Variants in MTSS1 observed in about 807,000 individuals in gnomAD.
MTSS1 encodes the protein MTSS I-BAR domain containing 1, also known as protein MTSS 1.
Under a neutral mutation model 79.0 loss-of-function variants are expected in MTSS1, and 18 were observed. That is an observed-to-expected ratio of 0.23 (90% confidence interval 0.16 to 0.34). The LOEUF is 0.34. MTSS1 is among the 10% of genes least tolerant of loss of function. The probability of loss-of-function intolerance (pLI) is 1.00; values close to 1 mark genes in which losing one functional copy is unlikely to be tolerated. For synonymous variants in MTSS1, 341 were observed against 368.6 expected (o/e 0.93, Z 0.86); for missense variants, 815 against 986.2 (o/e 0.83, Z 2.33).
intron 3 of MTSS1, among the ~76,000 whole-genome samples, chr8:124,671,110 T>C (rs963332120): frequency 2.6e-5 from 4 of 151,852 alleles, no homozygotes; most frequent in Non-Finnish European, 5.9e-5. Context: ...GGTAGATTGC[T>C]CCAACCACTG....
At chr8:124,700,891 G>A (rs553573101) in intron 2 of MTSS1, among the ~76,000 whole-genome samples, 47 of 152,264 alleles carry the variant, frequency 3.1e-4, no homozygotes, top group African/African-American at 1.1e-3. Context: ...CAAAGTTGCT[G>A]AAGAAGAATA....
At chr8:124,587,623 C>T (rs1157680811) in intron 5 of MTSS1, among the ~76,000 whole-genome samples, 3 of 152,300 alleles carry the variant, frequency 2.0e-5, no homozygotes, top group East Asian at 3.9e-4. Flanking sequence ...CTCAGCCTCC[C>T]GAGTAGCTGG....
chr8:124,716,594 C>T (rs868313033), intron 1 of MTSS1, among the ~76,000 whole-genome samples: 5 of 152,284 alleles, frequency 3.3e-5, no homozygotes, highest in Middle Eastern at 3.4e-3. Context: ...TTCTAAGCCC[C>T]ACCCCCAGAT....
At chr8:124,601,410 C>A (rs1833792028) in intron 3 of MTSS1, among the ~76,000 whole-genome samples, 1 of 152,170 alleles carries the variant, frequency 6.6e-6, no homozygotes, top group South Asian at 2.1e-4. Flanking sequence ...AGTTGCATCA[C>A]CAGCTTCCTT....
At chr8:124,662,603 G>A (rs989086723) in intron 3 of MTSS1, among the ~76,000 whole-genome samples, 3 of 151,478 alleles carry the variant, frequency 2.0e-5, no homozygotes, top group South Asian at 2.1e-4. Context: ...CTAGACATAC[G>A]TACTGTCAAA....
chr8:124,611,120 G>A (rs1835745995), intron 3 of MTSS1, among the ~76,000 whole-genome samples: 1 of 103,972 alleles, frequency 9.6e-6, no homozygotes, highest in South Asian at 3.1e-4. Context: ...CCCCCCCCCA[G>A]CATGTGACTC....
At chr8:124,725,789 A>C (rs1031554070) in intron 1 of MTSS1, among the ~76,000 whole-genome samples, 2 of 152,216 alleles carry the variant, frequency 1.3e-5, no homozygotes, top group Non-Finnish European at 2.9e-5. Context: ...CTAATCCATG[A>C]TGAAGTCTTT....
chr8:124,699,542 C>A lies in MTSS1; in HGVS notation c.192G>T (p.Met64Ile), dbSNP rs149940047. The A allele has an allele frequency of 8.1e-6, 13 of 1,614,156 alleles. No homozygotes were observed. Among genetic ancestry groups the A allele is most frequent in the Non-Finnish European group, 1.1e-5 (13 of 1,180,002 alleles). The change falls in exon 3 of 14, where the codon ATG becomes ATT. Residue 64 changes from methionine to isoleucine, a missense_variant. By Grantham distance (10) the Met-to-Ile change is conservative. Transcript: ENST00000518547. ...TCTGCTTACCACGTGTGTTGGTGGC[C>A]ATGTCAGCCACTTTCTGAAAGGCGT... ...FLDAFQKVADMATNTRGGTRE... is the reference protein window; with the variant it reads ...FLDAFQKVADIATNTRGGTRE...
intron 6 of MTSS1, among the ~76,000 whole-genome samples, chr8:124,581,623 T>C (rs1174553017): frequency 1.3e-5 from 2 of 151,598 alleles, no homozygotes; most frequent in Non-Finnish European, 2.9e-5. Flanking sequence ...GCCCGGCTAA[T>C]TTTTGTATTT....
At chr8:124,687,518 C>T (rs1827180397) in intron 3 of MTSS1, among the ~76,000 whole-genome samples, 2 of 152,188 alleles carry the variant, frequency 1.3e-5, no homozygotes, top group African/African-American at 2.4e-5. Flanking sequence ...CCCAGGCTCT[C>T]GGATCTGGTT....
intron 1 of MTSS1, among the ~76,000 whole-genome samples, chr8:124,717,675 G>T (rs967502811): frequency 1.3e-5 from 2 of 152,170 alleles, no homozygotes; most frequent in Non-Finnish European, 2.9e-5. Context: ...CGGTCTGGGG[G>T]ACAGAGCAAG....
chr8:124,668,652 G>C (rs1823571274), intron 3 of MTSS1, among the ~76,000 whole-genome samples: 1 of 152,110 alleles, frequency 6.6e-6, no homozygotes, highest in Non-Finnish European at 1.5e-5. Flanking sequence ...CTCTGAACGG[G>C]ACCAGAAAAG....
At chr8:124,723,120 G>A (rs1009636015) in intron 1 of MTSS1, among the ~76,000 whole-genome samples, 2 of 152,132 alleles carry the variant, frequency 1.3e-5, no homozygotes, top group Non-Finnish European at 2.9e-5. Flanking sequence ...AGAGTTCAAA[G>A]GGCAAGAGGT....
chr8:124,700,094 G>A (rs955466135), intron 2 of MTSS1, among the ~76,000 whole-genome samples: 1 of 151,148 alleles, frequency 6.6e-6, no homozygotes, highest in African/African-American at 2.4e-5. Context: ...AGCCAAGATC[G>A]CACCACTGCA....
chr8:124,698,662 C>T (rs963970416), intron 3 of MTSS1, among the ~76,000 whole-genome samples: 3 of 152,036 alleles, frequency 2.0e-5, no homozygotes, highest in Non-Finnish European at 4.4e-5. Flanking sequence ...CAGGCACGTG[C>T]CACCACGCCT....
At position 124,553,106 on chromosome 8, in the gene MTSS1, T is replaced by G. The variant is rs754922115; in HGVS notation, c.2154A>C (p.Ala718=). ...GTGGAGTATCCCTTGGGCTCAGGTC[T>G]GCAGGGTCACTCTCTGGAATCTGGC... ...SPGQIPESDP[A]DLSPRDTPQG... Residue 718 remains alanine, a synonymous_variant, in exon 14 of 14, where the codon GCA becomes GCC. Transcript: ENST00000518547. The surrounding 1 kb of genome is among the most constrained non-coding windows in gnomAD (Gnocchi z 6.0). 6.2e-6 allele frequency: 10 copies of G among 1,614,146 alleles called. No individual in the cohort carries two copies. Among genetic ancestry groups the G allele is most frequent in the Middle Eastern group, 1.6e-4 (1 of 6,062 alleles).
intron 5 of MTSS1, among the ~76,000 whole-genome samples, chr8:124,587,304 C>T (rs1307215357): frequency 6.6e-6 from 1 of 152,114 alleles, no homozygotes; most frequent in Non-Finnish European, 1.5e-5. Context: ...CATAAACTAT[C>T]AACTCTTTCC....
chr8:124,607,312 A>G (rs1049859307), intron 3 of MTSS1, among the ~76,000 whole-genome samples: 12 of 152,222 alleles, frequency 7.9e-5, no homozygotes, highest in African/African-American at 2.9e-4. Context: ...CAGAGGATGC[A>G]TTCTGCAGTT....
At chr8:124,610,826 G>A (rs1285699824) in intron 3 of MTSS1, among the ~76,000 whole-genome samples, 3 of 152,156 alleles carry the variant, frequency 2.0e-5, no homozygotes, top group African/African-American at 7.2e-5. Flanking sequence ...TGCCTGCCAT[G>A]AGCTCAAGGA....
Sources: gnomAD v4.1 joint callset for allele counts (sites outside exome capture counted in the v4.1 genomes callset) on GRCh38, gnomAD v4.1.1 for gene constraint, Gnocchi (gnomAD v3.1) non-coding constraint, MANE v1.5 for transcripts, NCBI Gene and HGNC (gene_info 2026-07-23, HGNC 2026-07-21) for gene names.